ZRANB1: variants seen among roughly 807,000 people sequenced by gnomAD.
ZRANB1 encodes the protein ubiquitin thioesterase ZRANB1.
Under a neutral mutation model 80.5 loss-of-function variants are expected in ZRANB1, and 16 were observed. The observed-to-expected ratio is 0.20, with a 90% CI of 0.13 to 0.30. The LOEUF is 0.30. ZRANB1 is among the 10% of genes least tolerant of loss of function. ZRANB1 has a pLI of 1.00. For missense variants in ZRANB1, 576 were observed against 862.6 expected (o/e 0.67, Z 4.16); for synonymous variants, 291 against 293.1 (o/e 0.99, Z 0.07).
At chr10:124,931,259 A>C in the ZRANB1 span, among the ~76,000 whole-genome samples, 1 of 151,914 alleles carries the variant, frequency 6.6e-6, no homozygotes, top group Non-Finnish European at 1.5e-5. Context: ...TTTTGTAGAG[A>C]TGGAGTCTCA....
intron 1 of ZRANB1, among the ~76,000 whole-genome samples, chr10:124,960,448 CAG>C (rs547778589): frequency 6.6e-6 from 1 of 152,128 alleles, no homozygotes; most frequent in Non-Finnish European, 1.5e-5. Context: ...GTTTTTTAAA[CAG>C]AGACAGGGTC....
chr10:124,936,098 G>A, the ZRANB1 span, among the ~76,000 whole-genome samples: 1 of 152,094 alleles, frequency 6.6e-6, no homozygotes, highest in Non-Finnish European at 1.5e-5. Flanking sequence ...ATCTAAGGCA[G>A]TACCTTCATG....
chr10:124,936,322 G>A, the ZRANB1 span, among the ~76,000 whole-genome samples: 1 of 152,170 alleles, frequency 6.6e-6, no homozygotes, highest in African/African-American at 2.4e-5. Context: ...AACTGGAAAA[G>A]GATTGATGGC....
In ZRANB1 at chr10:124,942,823, A is replaced by T. The variant is rs372081062; in HGVS notation, c.330A>T (p.Gln110His). 1.4e-5 allele frequency: 23 copies of T among 1,614,142 alleles called. No homozygotes were observed. Among genetic ancestry groups the T allele is most frequent in the Non-Finnish European group, 1.9e-5 (22 of 1,180,048 alleles). Residue 110 changes from glutamine to histidine, a missense_variant, in exon 1 of 9, where the codon CAA (glutamine) becomes CAT (histidine). Transcript: ENST00000359653. ...RAIRCTQCLS[Q>H]RRTRSPTESP... ...TCAGATGTACCCAGTGCTTATCCCAACGTAGGACCAGGAGTCCTACAGAAT... is the reference window on the plus strand; with the variant it reads ...TCAGATGTACCCAGTGCTTATCCCATCGTAGGACCAGGAGTCCTACAGAAT...
chr10:124,923,697 G>A, the ZRANB1 span, among the ~76,000 whole-genome samples: 24 of 151,934 alleles, frequency 1.6e-4, no homozygotes, highest in Non-Finnish European at 3.2e-4. Flanking sequence ...GAGAAAAAAA[G>A]CACCTTCACA....
At chr10:124,982,016 A>G (rs1951938453) in intron 6 of ZRANB1, among the ~76,000 whole-genome samples, 187 bp downstream of exon 6, 1 of 152,048 alleles carries the variant, frequency 6.6e-6, no homozygotes, top group African/African-American at 2.4e-5. Flanking sequence ...GCAAGTATAG[A>G]TGAGCATCGC....
At chr10:124,916,901 T>C in the ZRANB1 span, among the ~76,000 whole-genome samples, 3 of 151,604 alleles carry the variant, frequency 2.0e-5, no homozygotes, top group Non-Finnish European at 4.4e-5. Context: ...TTTATTTGGC[T>C]CCGGGTCCCT....
chr10:124,943,353 A>G lies in ZRANB1; in HGVS notation c.814+46A>G, dbSNP rs376870423. On this transcript the variant is annotated intron_variant, in intron 1 of 8. Transcript: ENST00000359653. Reference sequence around the variant, plus strand: ...TTTTTTGCGTGGGATGGGAAAAGGTAGTAAAAATGATATGAAAAGAGCTGG... The same window carrying G: ...TTTTTTGCGTGGGATGGGAAAAGGTGGTAAAAATGATATGAAAAGAGCTGG... 4.7e-4 allele frequency: 724 copies of G among 1,550,670 alleles called. 1 individual carries two copies. The highest frequency in any genetic ancestry group is 5.9e-4 in the Non-Finnish European group (674 of 1,144,748).
chr10:124,965,025 A>G (rs1160615629), intron 1 of ZRANB1, among the ~76,000 whole-genome samples: 1 of 152,234 alleles, frequency 6.6e-6, no homozygotes, highest in Non-Finnish European at 1.5e-5. Context: ...CTCTTCGATC[A>G]TAGAGTTGTT....
At chr10:124,973,936 G>T (rs1164673662) in intron 4 of ZRANB1, among the ~76,000 whole-genome samples, 1 of 152,140 alleles carries the variant, frequency 6.6e-6, no homozygotes, top group Non-Finnish European at 1.5e-5. Flanking sequence ...TCCGCTTCCT[G>T]TTCCAGAATG....
intron 2 of ZRANB1, among the ~76,000 whole-genome samples, chr10:124,970,548 C>T (rs1951814831): frequency 6.6e-6 from 1 of 152,174 alleles, no homozygotes; most frequent in South Asian, 2.1e-4. Context: ...AGGTGTGAGC[C>T]ACTGCACCAA....
the ZRANB1 span, among the ~76,000 whole-genome samples, chr10:124,923,238 G>A: frequency 1.3e-5 from 2 of 151,850 alleles, 1 homozygote; most frequent in South Asian, 4.2e-4. Flanking sequence ...AGAGAGCCGA[G>A]CTACACTCCA....
At chr10:124,936,550 T>G in the ZRANB1 span, among the ~76,000 whole-genome samples, 1 of 152,138 alleles carries the variant, frequency 6.6e-6, no homozygotes, top group East Asian at 1.9e-4. Flanking sequence ...GAAATGAGGT[T>G]AGATTTGTAG....
chr10:124,982,185 G>T (rs1589857141), intron 6 of ZRANB1, among the ~76,000 whole-genome samples: 1 of 152,188 alleles, frequency 6.6e-6, no homozygotes, highest in African/African-American at 2.4e-5. Flanking sequence ...GCATAGGCTT[G>T]ATGCCTATGG....
intron 3 of ZRANB1, among the ~76,000 whole-genome samples, chr10:124,973,017 G>T (rs1206316238): frequency 6.6e-6 from 1 of 151,994 alleles, no homozygotes; most frequent in South Asian, 2.1e-4. Flanking sequence ...TAATTTTTAT[G>T]TTCAGACAAA....
chr10:124,982,816 T>C (rs1045273285), intron 6 of ZRANB1, among the ~76,000 whole-genome samples: 7 of 152,144 alleles, frequency 4.6e-5, no homozygotes, highest in Non-Finnish European at 8.8e-5. Context: ...AGGACTTTGT[T>C]GTAGGTAGTG....
upstream of ZRANB1, among the ~76,000 whole-genome samples, chr10:124,941,220 G>T (rs531177105): frequency 7.2e-5 from 11 of 151,782 alleles, 1 homozygote; most frequent in African/African-American, 2.7e-4. Flanking sequence ...AATTAAATTT[G>T]TTATGTAAGT....
intron 1 of ZRANB1, among the ~76,000 whole-genome samples, chr10:124,954,928 G>A (rs1245593762): frequency 6.7e-6 from 1 of 150,114 alleles, no homozygotes; most frequent in Non-Finnish European, 1.5e-5. Context: ...AGGAGATCGA[G>A]ACCATCCTGG....
At chr10:124,964,859 G>T (rs1951764927) in intron 1 of ZRANB1, among the ~76,000 whole-genome samples, 1 of 152,218 alleles carries the variant, frequency 6.6e-6, no homozygotes, top group Non-Finnish European at 1.5e-5. Flanking sequence ...AAAGGAGATG[G>T]TGTGGGCATG....
Sources: allele counts gnomAD v4.1 joint callset (sites outside exome capture counted in the v4.1 genomes callset), GRCh38; gene constraint gnomAD v4.1.1; transcripts MANE v1.5; gene names NCBI Gene and HGNC (gene_info 2026-07-23, HGNC 2026-07-21).